Variants in SHROOM2 observed in about 807,000 individuals in gnomAD.
SHROOM2 encodes shroom family member 2.
Under a neutral mutation model 75.9 loss-of-function variants are expected in SHROOM2, and 33 were observed. The observed-to-expected ratio is 0.43, with a 90% confidence interval of 0.33 to 0.58. SHROOM2 has a LOEUF of 0.58. Among genes scored for constraint, SHROOM2 ranks in the 20% least tolerant of loss-of-function variants. SHROOM2 has a pLI of 0.04. For synonymous variants in SHROOM2, 655 were observed against 663.6 expected (o/e 0.99, Z 0.20); for missense variants, 1,434 against 1,461.2 (o/e 0.98, Z 0.30).
At chrX:9,855,695 C>T (rs1430875618) in intron 1 of SHROOM2, among the ~76,000 whole-genome samples, 1 of 111,840 alleles carries the variant, frequency 8.9e-6, no homozygotes, top group Non-Finnish European at 1.9e-5. Flanking sequence ...AACTGCTCTG[C>T]GCCAGGAAGA....
intron 2 of SHROOM2, chrX:9,874,684 G>A (rs2084188511): frequency 9.0e-6 from 1 of 110,871 alleles, no homozygotes; most frequent in African/African-American, 3.3e-5. Context: ...TGTAAACACC[G>A]CTGCACTCAA....
rs2084422731 is a variant in SHROOM2 at position 9,911,205 on chromosome X, C to G, written c.2891+12915C>G. 2.7e-5 allele frequency among the ~76,000 whole-genome samples: 3 copies of G among 111,662 alleles called. No individual in the cohort carries two copies. In the Admixed American group the frequency reaches 2.9e-4, roughly 11 times the overall value. ...ACAGGCTGGAATCCTCATTCTGCCT[C>G]TCAGTGTAAGTGTGTCAGGTCCCCC... On this transcript the variant is annotated intron_variant, in intron 5 of 9. Transcript: ENST00000380913.
chrX:9,807,191 G>T (rs753503108), intron 1 of SHROOM2, among the ~76,000 whole-genome samples: 3 of 112,067 alleles, frequency 2.7e-5, no homozygotes, highest in Non-Finnish European at 5.6e-5. Context: ...CCCCCAGCAG[G>T]GTCACAGCCA....
chrX:9,929,718 ATC>A (rs750848137), intron 5 of SHROOM2, among the ~76,000 whole-genome samples: 6 of 111,886 alleles, frequency 5.4e-5, no homozygotes, highest in African/African-American at 1.9e-4. Flanking sequence ...TCATTTAATT[ATC>A]TGTTTCTGTG....
At chrX:9,851,446 CT>C (rs746715538) in intron 1 of SHROOM2, among the ~76,000 whole-genome samples, 20 of 63,138 alleles carry the variant, frequency 3.2e-4, no homozygotes, top group South Asian at 2.7e-3. Context: ...CAGGATATTG[CT>C]TTTTTTTTTT....
chrX:9,825,511 C>T (rs761430134), intron 1 of SHROOM2, among the ~76,000 whole-genome samples: 1 of 112,350 alleles, frequency 8.9e-6, no homozygotes, highest in South Asian at 3.7e-4. Flanking sequence ...GAGAAAGTGA[C>T]ATTGTAACTT....
intron 1 of SHROOM2, among the ~76,000 whole-genome samples, chrX:9,840,625 C>T (rs1241862402): frequency 2.7e-5 from 3 of 112,118 alleles, no homozygotes; most frequent in Non-Finnish European, 3.8e-5. Flanking sequence ...ATCATTCAGA[C>T]TATAAAATAT....
intron 2 of SHROOM2, among the ~76,000 whole-genome samples, chrX:9,887,761 C>T (rs5979199): frequency 0.24 from 27,144 of 111,820 alleles, 3,254 homozygotes; most frequent in East Asian, 0.46. Context: ...GGGAGGGAGG[C>T]GGTGTAAACA....
chrX:9,948,625 G>GCCC lies in SHROOM2; in HGVS notation c.*1688_*1689insCCC, dbSNP rs2084843987. ...TGTTGACGGTAATGCATTCTCTATA[G>GCCC]AGCCAAGTCCAAACTGGCAAGCTCA... On this transcript the variant is annotated 3_prime_UTR_variant, in exon 10 of 10. Transcript: ENST00000380913. The GCCC allele has an allele frequency of 8.8e-6, 1 of 113,627 alleles. No individual in the cohort carries two copies. The highest frequency in any genetic ancestry group is 2.8e-4 in the East Asian group (1 of 3,601). 9.4% of individuals were successfully genotyped at this position (113,627 alleles called of 1,213,427 possible). A position where few individuals can be genotyped will look rare whatever the true frequency, so the allele number is the denominator to read the frequency against.
intron 5 of SHROOM2, among the ~76,000 whole-genome samples, chrX:9,920,203 C>T (rs2084532990): frequency 8.9e-6 from 1 of 112,152 alleles, no homozygotes; most frequent in Non-Finnish European, 1.9e-5. Flanking sequence ...CTCACCACAA[C>T]TCATCAGACA....
rs140029968 is a variant in SHROOM2, at chrX:9,853,790, A to G, written c.166-19862A>G. Among the ~76,000 whole-genome samples, 24 of 112,437 alleles carry G rather than the reference A, an allele frequency of 2.1e-4. 1 individual carries two copies. In the East Asian group the frequency reaches 6.7e-3, roughly 31 times the overall value. On this transcript the variant is annotated intron_variant, in intron 1 of 9. Transcript: ENST00000380913. ...TTTTTGGGAGACATAATTCAGCCCC[A>G]TAACAAAGGGTAATAAAATGTTTTG...
chrX:9,948,445 T>C lies in SHROOM2; in HGVS notation c.*1508T>C, dbSNP rs1044060354. ...TCATTTTAACCCTGACTTCCCCTTATTCCCATAAAAGAAGTTTTCCAGTGG... is the reference window on the plus strand; with the variant it reads ...TCATTTTAACCCTGACTTCCCCTTACTCCCATAAAAGAAGTTTTCCAGTGG... On this transcript the variant is annotated 3_prime_UTR_variant, in exon 10 of 10. Transcript: ENST00000380913. The C allele has an allele frequency of 2.7e-5, 3 of 112,838 alleles. No homozygotes were observed. 9.3% of individuals were successfully genotyped at this position (112,838 alleles called of 1,213,427 possible). A position where few individuals can be genotyped will look rare whatever the true frequency, so the allele number is the denominator to read the frequency against.
At chrX:9,819,418 G>A in intron 1 of SHROOM2, 1 of 419,482 alleles carries the variant, frequency 2.4e-6, no homozygotes, top group South Asian at 3.7e-5. Context: ...ATCAGACAGG[G>A]CATCTTGTAA....
intron 1 of SHROOM2, among the ~76,000 whole-genome samples, chrX:9,864,326 CCT>C (rs1054468695): frequency 2.7e-5 from 3 of 111,061 alleles, no homozygotes; most frequent in Non-Finnish European, 5.7e-5. Flanking sequence ...AGGGTGCATG[CCT>C]CTCTGATAGG....
chrX:9,839,016 C>G (rs547655068), intron 1 of SHROOM2, among the ~76,000 whole-genome samples: 3 of 110,783 alleles, frequency 2.7e-5, no homozygotes, highest in African/African-American at 9.9e-5. Context: ...CCCTGTCGCA[C>G]GTGGAAGGAA....
chrX:9,809,294 A>C (rs2083778561), intron 1 of SHROOM2, among the ~76,000 whole-genome samples: 1 of 111,382 alleles, frequency 9.0e-6, no homozygotes, highest in African/African-American at 3.3e-5. Flanking sequence ...CACGGGAGAA[A>C]GATGTAGGCT....
chrX:9,914,948 A>C (rs1443441037), intron 5 of SHROOM2, among the ~76,000 whole-genome samples: 1 of 111,275 alleles, frequency 9.0e-6, no homozygotes, highest in East Asian at 2.8e-4. Flanking sequence ...GTTTGCTGCC[A>C]GTGCAGTGAG....
rs150572964 is a variant in SHROOM2 at position 9,813,548 on chromosome X, A to G, written c.165+26838A>G. Among the ~76,000 whole-genome samples, 530 of 111,220 alleles carry G rather than the reference A, an allele frequency of 4.8e-3. 4 individuals carry two copies. The highest frequency in any genetic ancestry group is 0.017 in the African/African-American group (520 of 30,620). On this transcript the variant is annotated intron_variant, in intron 1 of 9. Transcript: ENST00000380913. ...GATGGGAGAAAGAGTCACCACATAA[A>G]TTGTTCGTAATGTAGTGGGGTCCTT...
chrX:9,906,592 T>G (rs1361104498), intron 5 of SHROOM2, among the ~76,000 whole-genome samples: 1 of 112,038 alleles, frequency 8.9e-6, no homozygotes, highest in Non-Finnish European at 1.9e-5. Context: ...GTCAGGAGTT[T>G]GAGACCAGCC....
Sources: gnomAD v4.1 joint callset for allele counts (sites outside exome capture counted in the v4.1 genomes callset) on GRCh38, gnomAD v4.1.1 for gene constraint, MANE v1.5 for transcripts, NCBI Gene and HGNC (gene_info 2026-07-23, HGNC 2026-07-21) for gene names.